Variants in ZP3 observed in about 807,000 individuals in gnomAD.
The protein encoded by ZP3 is zona pellucida glycoprotein 3.
A neutral mutation model predicts 35.6 loss-of-function variants in ZP3; 21 were observed. That is an observed-to-expected ratio of 0.59 (90% CI 0.42 to 0.85). ZP3 has a LOEUF of 0.85. Ranked by LOEUF, ZP3 falls within the 40% of genes least tolerant of loss-of-function variation. The probability of loss-of-function intolerance (pLI) is 0.00; values close to 1 mark genes in which losing one functional copy is unlikely to be tolerated. For missense variants in ZP3, 437 were observed against 536.5 expected (o/e 0.81, Z 1.83); for synonymous variants, 207 against 214.5 (o/e 0.96, Z 0.31).
rs1584070598 is a variant in ZP3 at position 76,436,029 on chromosome 7, C to G, written c.831+1874C>G. Among the ~76,000 whole-genome samples, 38 of 128,118 alleles carry G rather than the reference C, an allele frequency of 3.0e-4. No homozygotes were observed. In the South Asian group the frequency reaches 3.4e-3, roughly 11 times the overall value. 84.1% of individuals were successfully genotyped at this position (128,118 alleles called of 152,430 possible). On this transcript the variant is annotated intron_variant, in intron 5 of 7. Transcript: ENST00000394857. ...ATGAACCACCACGCGCCCCCCGCCCCCTTTTTTTTTTTTTTTTTTTTTTTT... is the reference window on the plus strand; with the variant it reads ...ATGAACCACCACGCGCCCCCCGCCCGCTTTTTTTTTTTTTTTTTTTTTTTT...
chr7:76,420,424 A>T (rs952258412), upstream of ZP3, among the ~76,000 whole-genome samples: 1 of 152,196 alleles, frequency 6.6e-6, no homozygotes, highest in Non-Finnish European at 1.5e-5. Flanking sequence ...CAGCTAAAAC[A>T]TGTTGGGATC....
chr7:76,415,428 C>T (rs951199087), intron 1 of ZP3, among the ~76,000 whole-genome samples: 1 of 129,120 alleles, frequency 7.7e-6, no homozygotes, highest in Non-Finnish European at 1.5e-5. Flanking sequence ...ACTATGACAA[C>T]TGTTACCAAT....
At chr7:76,433,123 T>G in intron 3 of ZP3, 93 bp downstream of exon 3, 2 of 490,420 alleles carry the variant, frequency 4.1e-6, no homozygotes, top group Non-Finnish European at 5.9e-6. Flanking sequence ...GTTTGTTTGG[T>G]TTTGGTTTTG....
intron 1 of ZP3, among the ~76,000 whole-genome samples, chr7:76,402,756 C>G (rs956758251): frequency 6.6e-6 from 1 of 151,960 alleles, no homozygotes; most frequent in Admixed American, 6.6e-5. Flanking sequence ...CGCAACCTCC[C>G]CCTCCTGGGT....
intron 5 of ZP3, among the ~76,000 whole-genome samples, chr7:76,436,975 G>A (rs557190599): frequency 1.6e-3 from 248 of 151,706 alleles, no homozygotes; most frequent in African/African-American, 5.8e-3. Flanking sequence ...GATTGATGAT[G>A]CCTCAGTAGA....
In ZP3 at chr7:76,433,904, T is replaced by G. The variant is rs190769604; in HGVS notation, c.714-134T>G. Reference sequence around the variant, plus strand: ...AGTAGAGACAAGGTTTCACCATGTTTGCCAGGCTAGTCTCGAACTCCTGAC... The same window carrying G: ...AGTAGAGACAAGGTTTCACCATGTTGGCCAGGCTAGTCTCGAACTCCTGAC... On this transcript the variant is annotated intron_variant, in intron 4 of 7. Coordinates refer to ENST00000394857, the MANE Select transcript of ZP3 (RefSeq NM_001110354.2). 829 of 862,028 alleles carry G rather than the reference T, an allele frequency of 9.6e-4. 9 individuals are homozygous for G. In the African/African-American group the frequency reaches 0.013, roughly 13 times the overall value. 53.4% of individuals were successfully genotyped at this position (862,028 alleles called of 1,614,324 possible).
At chr7:76,429,134 A>C in intron 1 of ZP3, 3 of 255,394 alleles carry the variant, frequency 1.2e-5, no homozygotes, top group Non-Finnish European at 2.3e-5. Flanking sequence ...TGATGCCTCT[A>C]TTGCTTGGGT....
At chr7:76,431,183 G>T (rs989912660) in intron 2 of ZP3, among the ~76,000 whole-genome samples, 1 of 152,174 alleles carries the variant, frequency 6.6e-6, no homozygotes, top group Non-Finnish European at 1.5e-5. Flanking sequence ...ACTCGCAGGA[G>T]CTAAGAGCAG....
intron 1 of ZP3, among the ~76,000 whole-genome samples, chr7:76,414,181 G>C (rs1197523421): frequency 3.3e-5 from 5 of 151,588 alleles, no homozygotes; most frequent in Admixed American, 2.0e-4. Flanking sequence ...ACTTTTAGTA[G>C]AGATGTGGTT....
At chr7:76,431,741 T>C (rs893013426) in intron 2 of ZP3, among the ~76,000 whole-genome samples, 1 of 152,000 alleles carries the variant, frequency 6.6e-6, no homozygotes. Context: ...CTACTAAAAA[T>C]ACAAAAAATT....
intron 1 of ZP3, among the ~76,000 whole-genome samples, chr7:76,408,495 G>A (rs1251976988): frequency 1.3e-5 from 2 of 152,090 alleles, no homozygotes; most frequent in Admixed American, 1.3e-4. Context: ...TCAGGCTGCT[G>A]GGATACTGGC....
chr7:76,415,717 G>A (rs1024648309), intron 1 of ZP3, among the ~76,000 whole-genome samples: 9 of 150,826 alleles, frequency 6.0e-5, no homozygotes, highest in African/African-American at 1.9e-4. Context: ...GGATGGTCTT[G>A]ATCTCCTGAC....
intron 1 of ZP3, among the ~76,000 whole-genome samples, chr7:76,405,345 T>TCTTTCTTTCTTTC (rs1364831511): frequency 3.8e-5 from 4 of 105,174 alleles, no homozygotes; most frequent in African/African-American, 6.9e-5. Context: ...CTTTCTTTTT[T>TCTTTCTTTCTTTC]TTTTTTTTTT....
At chr7:76,427,070 G>A (rs1372638955) in intron 1 of ZP3, among the ~76,000 whole-genome samples, 2 of 151,990 alleles carry the variant, frequency 1.3e-5, no homozygotes, top group African/African-American at 4.8e-5. Context: ...CCCCACCTGT[G>A]GAGCTTCTAA....
intron 1 of ZP3, among the ~76,000 whole-genome samples, chr7:76,419,785 C>T (rs1228200742): frequency 2.9e-5 from 4 of 140,174 alleles, no homozygotes; most frequent in Non-Finnish European, 4.7e-5. Context: ...TCCTCCTCCT[C>T]CTCCTCCCCC....
At chr7:76,407,514 T>C (rs1486973619) in intron 1 of ZP3, among the ~76,000 whole-genome samples, 2 of 152,144 alleles carry the variant, frequency 1.3e-5, no homozygotes, top group Non-Finnish European at 2.9e-5. Context: ...GGAGTATCTC[T>C]TGAGCCCAGG....
At chr7:76,437,488 G>T (rs201566978) in intron 5 of ZP3, among the ~76,000 whole-genome samples, 4,497 of 105,718 alleles carry the variant, frequency 0.043, 1 homozygote, top group East Asian at 0.14. Context: ...TTTTTTTTTT[G>T]TTTTTTTTTG....
chr7:76,419,676 TTTC>T (rs1805459140), intron 1 of ZP3, among the ~76,000 whole-genome samples: 1 of 136,980 alleles, frequency 7.3e-6, no homozygotes, highest in Admixed American at 7.5e-5. Flanking sequence ...TCTTTCTTTC[TTTC>T]GTTCTCTTTC....
chr7:76,414,230 C>T (rs1337624626), intron 1 of ZP3, among the ~76,000 whole-genome samples: 1 of 151,790 alleles, frequency 6.6e-6, no homozygotes, highest in Admixed American at 6.6e-5. Flanking sequence ...CTCCTGGCCT[C>T]AAGCGGTCCG....
Sources: allele counts gnomAD v4.1 joint callset (sites outside exome capture counted in the v4.1 genomes callset), GRCh38; gene constraint gnomAD v4.1.1; transcripts MANE v1.5; gene names NCBI Gene and HGNC (gene_info 2026-07-23, HGNC 2026-07-21).